The following IFT88 variants were observed in gnomAD, a reference collection of about 807,000 sequenced individuals.
The protein encoded by IFT88 is intraflagellar transport 88.
IFT88 carries 74 observed loss-of-function variants against 119.5 expected under a neutral mutation model. The observed-to-expected ratio is 0.62, with a 90% CI of 0.51 to 0.75. IFT88 has a LOEUF of 0.75. Ranked by LOEUF, IFT88 falls within the 30% of genes least tolerant of loss-of-function variation. The probability of loss-of-function intolerance (pLI) is 0.00; values close to 1 mark genes in which losing one functional copy is unlikely to be tolerated. For missense variants in IFT88, 961 were observed against 977.7 expected, an observed-to-expected ratio of 0.98 and a Z score of 0.23; for synonymous variants, 279 against 316.7, an observed-to-expected ratio of 0.88 and a Z score of 1.26.
Position 20,601,941 on chromosome 13 carries a change from T to G in IFT88, c.1041+8T>G. 1 of 1,461,286 alleles carries G rather than the reference T, an allele frequency of 6.8e-7. No individual in the cohort carries two copies. The highest frequency in any genetic ancestry group is 9.6e-7 in the Non-Finnish European group (1 of 1,044,624). 90.5% of individuals were successfully genotyped at this position (1,461,286 alleles called of 1,614,324 possible). ...AAATATATTTCACCAAGTGTGAGTA[T>G]GAAAAAGACATTTCTGTAGCCACTT... On this transcript the variant is annotated splice_region_variant and intron_variant, in intron 12 of 25. Transcript: ENST00000351808.
At chr13:20,632,022 T>TA (rs956323349) in intron 16 of IFT88, 14 of 151,680 alleles carry the variant, frequency 9.2e-5, no homozygotes, top group African/African-American at 3.4e-4. Context: ...TGCATGCCTA[T>TA]AGTCCCAGCT....
intron 24 of IFT88, among the ~76,000 whole-genome samples, chr13:20,682,584 G>A (rs1363807747): frequency 6.6e-6 from 1 of 152,156 alleles, no homozygotes; most frequent in African/African-American, 2.4e-5. Context: ...CATTTACTAA[G>A]GTCCCCAAGT....
intron 20 of IFT88, among the ~76,000 whole-genome samples, chr13:20,647,527 A>G (rs1745996693): frequency 6.6e-6 from 1 of 152,320 alleles, no homozygotes; most frequent in South Asian, 2.1e-4. Context: ...TTTTAATAAT[A>G]TGATGTTTTG....
In IFT88 at chr13:20,605,047, A is replaced by G. The variant is rs1468552090; in HGVS notation, c.1054A>G (p.Thr352Ala). 3.4e-6 allele frequency: 5 copies of G among 1,467,584 alleles called. No homozygotes were observed. Among genetic ancestry groups the G allele is most frequent in the Non-Finnish European group, 4.8e-6 (5 of 1,049,628 alleles). The allele number at this position is 1,467,584 out of a possible 1,614,324, so 90.9% of individuals were successfully genotyped here. ...TTTATTTTACCAGGATGATCCTCATACTAACTTAGTAACTGAAGCTATAAA... is the reference window on the plus strand; with the variant it reads ...TTTATTTTACCAGGATGATCCTCATGCTAACTTAGTAACTGAAGCTATAAA... ...KYISPSDDPH[T>A]NLVTEAIKND... is the part of the protein sequence containing the mutation. The change falls in exon 13 of 26, where the codon ACT becomes GCT. Residue 352 changes from threonine to alanine, a missense_variant. By Grantham distance (58) the Thr-to-Ala change is moderately conservative. Transcript: ENST00000351808.
intron 22 of IFT88, among the ~76,000 whole-genome samples, chr13:20,658,283 C>T (rs576046997): frequency 2.6e-5 from 4 of 151,868 alleles, no homozygotes; most frequent in South Asian, 2.1e-4. Flanking sequence ...TTAGTAGAGA[C>T]GGGGGCTCTA....
chr13:20,584,779 G>C (rs949869121), intron 3 of IFT88, among the ~76,000 whole-genome samples: 1 of 152,170 alleles, frequency 6.6e-6, no homozygotes, highest in African/African-American at 2.4e-5. Flanking sequence ...TTGGAATGCT[G>C]CTTCTCCCTA....
intron 14 of IFT88, 134 bp downstream of exon 14, chr13:20,616,013 A>T (rs1041902383): frequency 6.1e-6 from 3 of 489,154 alleles, no homozygotes; most frequent in Admixed American, 7.9e-5. Flanking sequence ...ATAATATTGT[A>T]TGTTCAGATT....
At position 20,592,371 on chromosome 13, in the gene IFT88, CTGCTTCCCCT is replaced by C; in HGVS notation, c.367_376del (p.Ala123TrpfsTer13). The stretch of plus-strand genomic sequence containing the variant: ...GACCCCCTTAGTCAGTCAAGGGGCC[CTGCTTCCCCT>C]TTGGAAGCCAAGAAAAAAGATAGGT... On this transcript the variant is annotated frameshift_variant, in exon 7 of 26. Transcript: ENST00000351808. LOFTEE classifies it high-confidence loss of function. 2.5e-6 allele frequency: 4 copies of C among 1,611,388 alleles called. No homozygotes were observed. The highest frequency in any genetic ancestry group is 3.4e-6 in the Non-Finnish European group (4 of 1,178,978).
At chr13:20,678,364 G>A (rs1010917590) in intron 24 of IFT88, among the ~76,000 whole-genome samples, 1 of 152,232 alleles carries the variant, frequency 6.6e-6, no homozygotes, top group Non-Finnish European at 1.5e-5. Flanking sequence ...TCAGAGCTGA[G>A]AGCCATGAAC....
chr13:20,613,142 G>C (rs555637843), intron 13 of IFT88, among the ~76,000 whole-genome samples: 2 of 152,266 alleles, frequency 1.3e-5, no homozygotes, highest in Admixed American at 1.3e-4. Flanking sequence ...TATCCAGAGA[G>C]TGAAAAAATG....
intron 16 of IFT88, among the ~76,000 whole-genome samples, chr13:20,637,292 A>G (rs1265846970): frequency 6.6e-6 from 1 of 152,222 alleles, no homozygotes; most frequent in African/African-American, 2.4e-5. Flanking sequence ...AGTTATATCT[A>G]AACTTTTTAA....
chr13:20,609,968 T>C (rs1473788199), intron 13 of IFT88, among the ~76,000 whole-genome samples: 2 of 152,094 alleles, frequency 1.3e-5, no homozygotes, highest in African/African-American at 4.8e-5. Context: ...CTGCCATCTT[T>C]CTTCATCACC....
chr13:20,592,279 A>G (rs1230992825), intron 6 of IFT88, 56 bp from the exon 7 acceptor site: 2 of 1,296,770 alleles, frequency 1.5e-6, no homozygotes, highest in Non-Finnish European at 2.2e-6. Flanking sequence ...ATTTTCATAT[A>G]TTCTTCGATT....
intron 11 of IFT88, 103 bp downstream of exon 11, chr13:20,599,668 T>G: frequency 1.6e-6 from 1 of 619,422 alleles, no homozygotes; most frequent in Non-Finnish European, 2.9e-6. Flanking sequence ...TTCAAAGTGT[T>G]TGTACATGAG....
In IFT88 at chr13:20,638,534, G is replaced by A. The variant is rs891064704; in HGVS notation, c.1573+16G>A. On this transcript the variant is annotated intron_variant, in intron 17 of 25. Transcript: ENST00000351808. ...TATAATATTGGTAAGTGAAACAAGGGGAAATTGCTTTTTAAATTATTTATT... is the reference window on the plus strand; with the variant it reads ...TATAATATTGGTAAGTGAAACAAGGAGAAATTGCTTTTTAAATTATTTATT... 2.9e-6 allele frequency: 4 copies of A among 1,374,220 alleles called. No homozygotes were observed. The highest frequency in any genetic ancestry group is 1.5e-5 in the African/African-American group (1 of 66,626). The allele number at this position is 1,374,220 out of a possible 1,614,324, so 85.1% of individuals were successfully genotyped here. A position where few individuals can be genotyped will look rare whatever the true frequency, so the allele number is the denominator to read the frequency against.
intron 15 of IFT88, 114 bp from the exon 16 acceptor site, chr13:20,630,902 C>T (rs2048105954): frequency 1.8e-6 from 1 of 561,836 alleles, no homozygotes; most frequent in Admixed American, 2.8e-5. Flanking sequence ...TTAATCCACC[C>T]CTTTTGTGCC....
intron 24 of IFT88, among the ~76,000 whole-genome samples, chr13:20,682,913 G>A (rs918492431): frequency 6.6e-6 from 1 of 152,202 alleles, no homozygotes; most frequent in Non-Finnish European, 1.5e-5. Flanking sequence ...GTCTTGCTCA[G>A]CTAAGGGGAT....
At chr13:20,618,659 G>A (rs1167594168) in intron 14 of IFT88, among the ~76,000 whole-genome samples, 1 of 152,120 alleles carries the variant, frequency 6.6e-6, no homozygotes, top group African/African-American at 2.4e-5. Flanking sequence ...TCTTAAATGG[G>A]ATAGAACATC....
chr13:20,631,271 T>C (rs1305816609), intron 16 of IFT88, 169 bp downstream of exon 16: 7 of 555,354 alleles, frequency 1.3e-5, no homozygotes, highest in Admixed American at 8.7e-5. Flanking sequence ...AGGGGCTGAG[T>C]TGGCAGACAT....
Sources: gnomAD v4.1 joint callset for allele counts (sites outside exome capture counted in the v4.1 genomes callset) on GRCh38, gnomAD v4.1.1 for gene constraint, MANE v1.5 for transcripts, NCBI Gene and HGNC (gene_info 2026-07-23, HGNC 2026-07-21) for gene names.